Variants in CDC42BPA observed in about 807,000 individuals in gnomAD.
CDC42BPA encodes the protein CDC42 binding protein kinase alpha, also known as serine/threonine-protein kinase MRCK alpha.
Under a neutral mutation model 223.5 loss-of-function variants are expected in CDC42BPA, and 80 were observed. That is an observed-to-expected ratio of 0.36 (90% CI 0.30 to 0.43). The LOEUF is 0.43. Ranked by LOEUF, CDC42BPA falls within the 20% of genes least tolerant of loss-of-function variation. The probability of loss-of-function intolerance (pLI) is 1.00; values close to 1 mark genes in which losing one functional copy is unlikely to be tolerated. For synonymous variants in CDC42BPA, 694 were observed against 718.6 expected (o/e 0.97, Z 0.55); for missense variants, 1,743 against 2,099.9 (o/e 0.83, Z 3.32).
chr1:227,317,939 C>T lies in CDC42BPA; in HGVS notation c.-757G>A. On this transcript the variant is annotated 5_prime_UTR_variant, in exon 1 of 37. Coordinates refer to ENST00000366766, the MANE Select transcript of CDC42BPA (RefSeq NM_001394014.1). Reference sequence around the variant, plus strand: ...TCTTCATTTTCCTCCCGGCTTCACCCTAGGGCCTGACCGGCGGCGCGGCCG... The same window carrying T: ...TCTTCATTTTCCTCCCGGCTTCACCTTAGGGCCTGACCGGCGGCGCGGCCG... 1 of 398,368 alleles carries T rather than the reference C, an allele frequency of 2.5e-6. No homozygotes were observed. The highest frequency in any genetic ancestry group is 4.4e-6 in the Non-Finnish European group (1 of 225,922). 24.7% of individuals were successfully genotyped at this position (398,368 alleles called of 1,614,324 possible).
chr1:227,024,539 A>G (rs1159521694), intron 31 of CDC42BPA, among the ~76,000 whole-genome samples: 1 of 152,214 alleles, frequency 6.6e-6, no homozygotes, highest in Non-Finnish European at 1.5e-5. Flanking sequence ...AAATAATTCA[A>G]TGTCCCCCAG....
At chr1:227,109,191 T>C (rs948215874) in intron 14 of CDC42BPA, among the ~76,000 whole-genome samples, 1 of 152,170 alleles carries the variant, frequency 6.6e-6, no homozygotes, top group Non-Finnish European at 1.5e-5. Context: ...TACTGTACAC[T>C]ACTGGAGACC....
intron 2 of CDC42BPA, among the ~76,000 whole-genome samples, chr1:227,240,717 C>T (rs908297107): frequency 1.1e-4 from 16 of 151,320 alleles, no homozygotes; most frequent in Admixed American, 2.0e-4. Flanking sequence ...ATCTCAATGC[C>T]GATATCACAT....
intron 1 of CDC42BPA, among the ~76,000 whole-genome samples, chr1:227,256,614 G>A (rs1683065226): frequency 6.6e-6 from 1 of 151,920 alleles, no homozygotes; most frequent in South Asian, 2.1e-4. Flanking sequence ...TACAATAGCT[G>A]AATTTTTTAA....
chr1:227,024,518 A>G (rs1387346509), intron 31 of CDC42BPA, among the ~76,000 whole-genome samples: 1 of 152,244 alleles, frequency 6.6e-6, no homozygotes, highest in Non-Finnish European at 1.5e-5. Context: ...TCACAATTGC[A>G]AAAAGCTAGT....
Position 227,213,164 on chromosome 1 carries a change from T to C in CDC42BPA, c.326A>G (p.Asn109Ser), listed in dbSNP as rs1326904332. Residue 109 changes from asparagine (N) to serine (S), a missense_variant, in exon 3 of 37, where the codon AAT becomes AGT. This residue lies in a region of CDC42BPA where 321 missense variants were observed against 488.7 expected (regional missense o/e 0.66). Transcript: ENST00000366766. Reference protein sequence around the residue: ...ADKVFAMKILNKWEMLKRAET... With the variant: ...ADKVFAMKILSKWEMLKRAET... ...AGCTCTTTTCAGCATTTCCCATTTA[T>C]TCAATATTTTCATGGCAAACACTTT... The C allele has an allele frequency of 8.3e-6, 13 of 1,567,660 alleles. No homozygotes were observed. Among genetic ancestry groups the C allele is most frequent in the Non-Finnish European group, 1.1e-5 (13 of 1,144,436 alleles).
intron 23 of CDC42BPA, among the ~76,000 whole-genome samples, chr1:227,043,542 T>C (rs1393281347): frequency 1.3e-5 from 2 of 152,164 alleles, no homozygotes; most frequent in Non-Finnish European, 2.9e-5. Context: ...TTTTATTTCT[T>C]GGGGAGAAAT....
chr1:227,196,987 T>C (rs1027870948), intron 4 of CDC42BPA, among the ~76,000 whole-genome samples: 3 of 152,190 alleles, frequency 2.0e-5, no homozygotes, highest in African/African-American at 7.2e-5. Flanking sequence ...AAAAAAGATC[T>C]AATCACATAA....
intron 23 of CDC42BPA, among the ~76,000 whole-genome samples, chr1:227,040,507 T>A (rs534441228): frequency 6.6e-6 from 1 of 152,156 alleles, no homozygotes; most frequent in Non-Finnish European, 1.5e-5. Context: ...ATAGCTTTTT[T>A]GGGGGGCTCA....
rs757062805 is a variant in CDC42BPA, at chr1:227,029,011, C to T, written c.4078G>A (p.Val1360Ile). ...TCLCVAMKRQ[V>I]LCYELFQSKT... ...CTCTGAAATAGTTCATAACAGAGGA[C>T]CTGCCTTTTCATAGCCACACACAGG... The change falls in exon 30 of 37, where the codon GTC becomes ATC. Residue 1360 changes from valine to isoleucine, a missense_variant. By Grantham distance (29) the Val-to-Ile change is conservative. Around this residue, in one of 6 missense-constraint regions of CDC42BPA, gnomAD observed 678 missense variants for 777.5 expected, o/e 0.87. Coordinates refer to ENST00000366766, the MANE Select transcript of CDC42BPA (RefSeq NM_001394014.1). 3 of 1,614,050 alleles carry T rather than the reference C, an allele frequency of 1.9e-6. No individual in the cohort carries two copies. The highest frequency in any genetic ancestry group is 2.2e-5 in the South Asian group (2 of 91,086).
Position 227,028,924 on chromosome 1 carries a change from T to C in CDC42BPA, c.4165A>G (p.Ile1389Val), listed in dbSNP as rs146203858. The change falls in exon 30 of 37, where the codon ATC becomes GTC. Residue 1389 changes from isoleucine (I) to valine (V), a missense_variant. Ile to Val is a conservative substitution (Grantham distance 29). Coordinates refer to ENST00000366766, the MANE Select transcript of CDC42BPA (RefSeq NM_001394014.1). ...CCCACACAGAGTTGTTCACTGAAGA[T>C]TGCCATCCACTGGACATTATATGGG... ...QVPYNVQWMAIFSEQLCVGFQ... is the reference protein window; with the variant it reads ...QVPYNVQWMAVFSEQLCVGFQ... The C allele has an allele frequency of 1.6e-4, 251 of 1,614,128 alleles. 1 individual carries two copies. Among genetic ancestry groups the C allele is most frequent in the Admixed American group, 1.2e-3 (74 of 60,024 alleles).
At chr1:227,201,949 C>T (rs1558748743) in intron 3 of CDC42BPA, among the ~76,000 whole-genome samples, 2 of 152,110 alleles carry the variant, frequency 1.3e-5, no homozygotes, top group African/African-American at 4.8e-5. Context: ...AATTCAACAG[C>T]CATGATCCAC....
intron 33 of CDC42BPA, 98 bp from the exon 34 acceptor site, chr1:227,016,295 G>T: frequency 1.4e-6 from 1 of 720,450 alleles, no homozygotes; most frequent in South Asian, 1.5e-5. Flanking sequence ...AAATACAACT[G>T]TTAAATCACA....
chr1:227,124,963 T>C (rs1689289323), intron 11 of CDC42BPA, among the ~76,000 whole-genome samples: 1 of 152,206 alleles, frequency 6.6e-6, no homozygotes, highest in Non-Finnish European at 1.5e-5. Flanking sequence ...AGAAAAAAAC[T>C]TCCTCAGGAC....
rs747178171 is a variant in CDC42BPA at position 227,317,171 on chromosome 1, T to G, written c.12A>C (p.Glu4Asp). 2 of 1,611,262 alleles carry G rather than the reference T, an allele frequency of 1.2e-6. No homozygotes were observed. Among genetic ancestry groups the G allele is most frequent in the South Asian group, 2.2e-5 (2 of 90,098 alleles). Residue 4 changes from glutamate to aspartate, a missense_variant, in exon 1 of 37, where the codon GAA becomes GAC. Transcript: ENST00000366766. MSG[E>D]VRLRQLEQFI... is the part of the protein sequence containing the mutation. The stretch of plus-strand genomic sequence containing the variant: ...ACTGCTCCAACTGCCTCAAACGCAC[T>G]TCTCCAGACATGTTTGCTTCGATTT...
intron 2 of CDC42BPA, among the ~76,000 whole-genome samples, chr1:227,225,079 C>T (rs566946091): frequency 2.0e-5 from 3 of 151,996 alleles, no homozygotes; most frequent in African/African-American, 7.2e-5. Context: ...TTCTTTGGGG[C>T]CATAAGAAAT....
intron 21 of CDC42BPA, among the ~76,000 whole-genome samples, chr1:227,063,167 C>T (rs1676288706): frequency 6.6e-6 from 1 of 151,960 alleles, no homozygotes; most frequent in South Asian, 2.1e-4. Context: ...GAAAACACAC[C>T]CACACACTTT....
chr1:227,249,877 A>G (rs1378597111), intron 2 of CDC42BPA, among the ~76,000 whole-genome samples: 1 of 150,990 alleles, frequency 6.6e-6, no homozygotes, highest in African/African-American at 2.4e-5. Flanking sequence ...ACGAAGACCT[A>G]GTATTTGGTA....
At chr1:227,233,240 C>T (rs988557207) in intron 2 of CDC42BPA, among the ~76,000 whole-genome samples, 19 of 152,132 alleles carry the variant, frequency 1.2e-4, no homozygotes, top group Admixed American at 2.0e-4. Context: ...AATTTCACCA[C>T]GTTGGCCAGG....
Sources: allele counts gnomAD v4.1 joint callset (sites outside exome capture counted in the v4.1 genomes callset), GRCh38; gene constraint gnomAD v4.1.1; regional missense constraint gnomAD v4.1.1; transcripts MANE v1.5; gene names NCBI Gene and HGNC (gene_info 2026-07-23, HGNC 2026-07-21).